Variants in SLCO1A2 observed in about 807,000 individuals in gnomAD.
SLCO1A2 encodes the protein OATP-1.
Under a neutral mutation model 69.0 loss-of-function variants are expected in SLCO1A2, and 67 were observed. That is an observed-to-expected ratio of 0.97 (90% CI 0.80 to 1.19). The LOEUF (loss-of-function observed/expected upper bound fraction) is 1.19. SLCO1A2 is among the 50% of genes most tolerant of loss of function. SLCO1A2 has a pLI of 0.00. For synonymous variants in SLCO1A2, 260 were observed against 265.9 expected (o/e 0.98, Z 0.22); for missense variants, 787 against 793.7 (o/e 0.99, Z 0.10).
rs556306496 is a variant in SLCO1A2, at chr12:21,412,912, G to A, written c.-312+4970C>T. On this transcript the variant is annotated intron_variant, in intron 1 of 4. Coordinates refer to the SLCO1A2 transcript ENST00000413682. ...TCAATAAATCAGGAAAGGGACTTGTGCTTCCTTGGCAGTCCAAAGCCAGAA... is the reference window on the plus strand; with the variant it reads ...TCAATAAATCAGGAAAGGGACTTGTACTTCCTTGGCAGTCCAAAGCCAGAA... 2.0e-5 allele frequency among the ~76,000 whole-genome samples: 3 copies of A among 152,272 alleles called. No individual in the cohort carries two copies. In the East Asian group the frequency reaches 5.8e-4, roughly 29 times the overall value.
intron 12 of SLCO1A2, among the ~76,000 whole-genome samples, chr12:21,291,088 C>T (rs1417768660): frequency 6.6e-6 from 1 of 152,148 alleles, no homozygotes; most frequent in Non-Finnish European, 1.5e-5. Context: ...CAGGACATCA[C>T]ATATTGACAC....
chr12:21,418,979 G>A (rs1302092540), upstream of SLCO1A2, among the ~76,000 whole-genome samples: 1 of 152,074 alleles, frequency 6.6e-6, no homozygotes, highest in East Asian at 1.9e-4. Flanking sequence ...AATACAATGT[G>A]TTCCAGCTCT....
chr12:21,322,948 T>C (rs1951819856), intron 2 of SLCO1A2, among the ~76,000 whole-genome samples: 1 of 152,164 alleles, frequency 6.6e-6, no homozygotes, highest in African/African-American at 2.4e-5. Context: ...CTCATACCAT[T>C]GTGGGGGTGG....
intron 2 of SLCO1A2, among the ~76,000 whole-genome samples, chr12:21,332,360 A>G (rs1032001924): frequency 6.6e-6 from 1 of 152,136 alleles, no homozygotes; most frequent in African/African-American, 2.4e-5. Context: ...GTTTACAATC[A>G]GGGCTTGTGG....
Position 21,269,646 on chromosome 12 carries a change from GCT to G in SLCO1A2, c.1913_1914del (p.Glu638AlafsTer12), listed in dbSNP as rs746215590. 22 of 1,612,310 alleles carry G rather than the reference GCT, an allele frequency of 1.4e-5. No homozygotes were observed. The highest frequency in any genetic ancestry group is 4.0e-5 in the African/African-American group (3 of 74,714). On this transcript the variant is annotated frameshift_variant, in exon 15 of 15. Coordinates refer to ENST00000683939, the MANE Select transcript of SLCO1A2 (RefSeq NM_001386879.1). LOFTEE classifies it low-confidence loss of function (END_TRUNC). ...TTCCCTTTGACTTTTGTCTCTATAA[GCT>G]CTGTTCCTGAAGAGGCATTTTCACC... is the stretch of plus-strand genomic sequence containing the variant. ...LPGENASSGT[E>X]LIETKVKGKE...
At chr12:21,412,465 G>A (rs1282617846) in intron 1 of SLCO1A2, among the ~76,000 whole-genome samples, 1 of 152,124 alleles carries the variant, frequency 6.6e-6, no homozygotes, top group Non-Finnish European at 1.5e-5. Flanking sequence ...TACTTTGAAT[G>A]TTTATCATGA....
chr12:21,334,694 A>G lies in SLCO1A2; in HGVS notation c.-47T>C. On this transcript the variant is annotated 5_prime_UTR_variant, in exon 2 of 15. Coordinates refer to ENST00000683939, the MANE Select transcript of SLCO1A2 (RefSeq NM_001386879.1). ...AGCTATTTATGTTTTAAATCTTGAT[A>G]TGTCTTACTTCTACCCTTTCAAGCA... 1.3e-6 allele frequency: 2 copies of G among 1,498,790 alleles called. No homozygotes were observed. Among genetic ancestry groups the G allele is most frequent in the South Asian group, 1.2e-5 (1 of 85,502 alleles). 92.8% of individuals were successfully genotyped at this position (1,498,790 alleles called of 1,614,324 possible). A position where few individuals can be genotyped will look rare whatever the true frequency, so the allele number is the denominator to read the frequency against.
chr12:21,397,134 C>T (rs898964659), upstream of SLCO1A2, among the ~76,000 whole-genome samples: 5 of 152,102 alleles, frequency 3.3e-5, no homozygotes, highest in Non-Finnish European at 5.9e-5. Flanking sequence ...ACCCATCTCA[C>T]GTGCAGAGAC....
chr12:21,362,157 T>A (rs1938955082), intron 2 of SLCO1A2, among the ~76,000 whole-genome samples: 1 of 152,114 alleles, frequency 6.6e-6, no homozygotes, highest in Admixed American at 6.5e-5. Flanking sequence ...AAGGTCAGGT[T>A]ACCCACAAAG....
intron 2 of SLCO1A2, among the ~76,000 whole-genome samples, chr12:21,364,389 G>T (rs4762820): frequency 0.62 from 93,791 of 151,936 alleles, 29,747 homozygotes; most frequent in Admixed American, 0.73. Context: ...GTATTGATGG[G>T]ATGTATCTCA....
chr12:21,373,434 T>C (rs190313195), intron 2 of SLCO1A2: 3 of 1,605,134 alleles, frequency 1.9e-6, no homozygotes, highest in African/African-American at 2.7e-5. Flanking sequence ...ATTGAAAGGT[T>C]GGTAACTTTA....
At chr12:21,278,132 G>T (rs2136137946) in intron 12 of SLCO1A2, among the ~76,000 whole-genome samples, 1 of 152,270 alleles carries the variant, frequency 6.6e-6, no homozygotes, top group South Asian at 2.1e-4. Context: ...CTGTGGTGGT[G>T]GTGGTGGCCA....
At chr12:21,419,574 C>G (rs991763946), upstream of SLCO1A2, 1 of 160,900 alleles carries the variant, frequency 6.2e-6, no homozygotes, top group African/African-American at 2.4e-5. Flanking sequence ...GTCCTACGCC[C>G]ACGGAGTCTC....
chr12:21,307,252 T>C (rs1949530087), intron 4 of SLCO1A2, among the ~76,000 whole-genome samples: 1 of 152,222 alleles, frequency 6.6e-6, no homozygotes, highest in African/African-American at 2.4e-5. Flanking sequence ...ATATCAACTT[T>C]CTTTGATTTT....
chr12:21,376,878 A>G lies in SLCO1A2; in HGVS notation c.-189-2353T>C, dbSNP rs375998254. On this transcript the variant is annotated intron_variant, in intron 1 of 15. Coordinates refer to the SLCO1A2 transcript ENST00000307378. ...TTTCCATTTACCCTAAGTTTCACCA[A>G]TATTTTGATTTCTATGGAGCTGAAA... 2.1e-4 allele frequency among the ~76,000 whole-genome samples: 32 copies of G among 152,244 alleles called. No homozygotes were observed. The East Asian group carries it at 5.2e-3, about 25-fold the overall frequency.
chr12:21,280,659 T>C (rs1227455735), intron 12 of SLCO1A2, among the ~76,000 whole-genome samples: 1 of 150,334 alleles, frequency 6.7e-6, no homozygotes, highest in Admixed American at 6.6e-5. Context: ...ACTTTCAGCA[T>C]TGGACAGATC....
chr12:21,413,241 T>TTTTTTC (rs552622260), intron 1 of SLCO1A2, among the ~76,000 whole-genome samples: 5,939 of 127,490 alleles, frequency 0.047, 208 homozygotes, highest in African/African-American at 0.061. Context: ...CTTTTTCTTT[T>TTTTTTC]TTTTTTTTTT....
At chr12:21,397,339 T>C (rs1941506055), upstream of SLCO1A2, among the ~76,000 whole-genome samples, 1 of 152,246 alleles carries the variant, frequency 6.6e-6, no homozygotes, top group Non-Finnish European at 1.5e-5. Flanking sequence ...TAAATATATG[T>C]GCACCCAATA....
intron 12 of SLCO1A2, among the ~76,000 whole-genome samples, chr12:21,278,960 G>A (rs1447993792): frequency 6.6e-6 from 1 of 151,952 alleles, no homozygotes; most frequent in Non-Finnish European, 1.5e-5. Context: ...AGATAATACA[G>A]AGAAAAAATG....
Sources: allele counts gnomAD v4.1 joint callset (sites outside exome capture counted in the v4.1 genomes callset), GRCh38; gene constraint gnomAD v4.1.1; transcripts MANE v1.5; gene names NCBI Gene and HGNC (gene_info 2026-07-23, HGNC 2026-07-21).